The following SLC43A2 variants were observed in gnomAD, a reference collection of about 807,000 sequenced individuals.
SLC43A2 encodes the protein solute carrier family 43 member 2.
A neutral mutation model predicts 63.2 loss-of-function variants in SLC43A2; 38 were observed. The ratio of observed to expected loss-of-function variants is 0.60; its 90% CI spans 0.46 to 0.79. The LOEUF (loss-of-function observed/expected upper bound fraction) is 0.79, where lower values mean the gene tolerates loss of function less well. SLC43A2 is among the 30% of genes least tolerant of loss of function. SLC43A2 has a pLI of 0.00. For missense variants in SLC43A2, 644 were observed against 756.2 expected (o/e 0.85, Z 1.74); for synonymous variants, 322 against 331.0 (o/e 0.97, Z 0.30).
rs992527754 is a variant in SLC43A2 at position 1,584,052 on chromosome 17, T to C, written c.1218-716A>G. Among the ~76,000 whole-genome samples, 33 of 152,036 alleles carry C rather than the reference T, an allele frequency of 2.2e-4. 1 individual carries two copies. The highest frequency in any genetic ancestry group is 7.9e-4 in the Admixed American group (12 of 15,284). ...CTGGGACTACAGGCACGCGCCACCT[T>C]ACCCGGCTAATTTTTGCGTTTTTGT... On this transcript the variant is annotated intron_variant, in intron 10 of 13. Transcript: ENST00000301335.
At chr17:1,620,653 C>T (rs928905137) in intron 2 of SLC43A2, among the ~76,000 whole-genome samples, 2 of 151,938 alleles carry the variant, frequency 1.3e-5, no homozygotes, top group Non-Finnish European at 1.5e-5. Flanking sequence ...GGGAGGTGAG[C>T]GGCTTCTCCT....
rs539299509 is a variant in SLC43A2 at position 1,606,166 on chromosome 17, C to T, written c.501+7029G>A. Among the ~76,000 whole-genome samples the T allele has an allele frequency of 5.7e-4, 87 of 151,546 alleles. No individual in the cohort carries two copies. The highest frequency in any genetic ancestry group is 2.0e-3 in the African/African-American group (82 of 41,260). On this transcript the variant is annotated intron_variant, in intron 5 of 13. Transcript: ENST00000301335. This position sits in a 1 kb window ranked among gnomAD's most constrained non-coding sequence, Gnocchi z 4.7. ...GCTGGCCGGGGGCCACCGCGGGACCCTCTCCTGGACCCTCCAGAGCTGGCC... is the reference window on the plus strand; with the variant it reads ...GCTGGCCGGGGGCCACCGCGGGACCTTCTCCTGGACCCTCCAGAGCTGGCC...
chr17:1,583,258 G>C lies in SLC43A2; in HGVS notation c.1296C>G (p.Asn432Lys). 6.2e-7 allele frequency: 1 copy of C among 1,614,176 alleles called. No homozygotes were observed. The highest frequency in any genetic ancestry group is 1.3e-5 in the African/African-American group (1 of 75,060). Residue 432 changes from asparagine to lysine, a missense_variant, in exon 11 of 14, where the codon AAC becomes AAG. Coordinates refer to ENST00000301335, the MANE Select transcript of SLC43A2 (RefSeq NM_152346.3). The surrounding 1 kb of genome is among the most constrained non-coding windows in gnomAD (Gnocchi z 5.5). ...TCACCCCAAAGCCCACGAGCAGCAG[G>C]TTGGTGAAGGCGAAGGCCCGCATGG... ...TNAMRAFAFT[N>K]LLLVGFGVTC...
intron 5 of SLC43A2, among the ~76,000 whole-genome samples, chr17:1,607,545 G>C (rs138606599): frequency 0.013 from 1,927 of 152,202 alleles, 23 homozygotes; most frequent in Non-Finnish European, 0.021. Context: ...CTCCACCCTG[G>C]GGGGAGGCAG....
chr17:1,587,237 G>A (rs888734783), intron 9 of SLC43A2, among the ~76,000 whole-genome samples: 6 of 152,228 alleles, frequency 3.9e-5, no homozygotes, highest in Non-Finnish European at 8.8e-5. Context: ...CCGGGTCACA[G>A]GCGGACTGGT....
rs1280900007 is a variant in SLC43A2, at chr17:1,578,411, C to T, written c.1351-88G>A. On this transcript the variant is annotated intron_variant, in intron 11 of 13. Transcript: ENST00000301335. This position sits in a 1 kb window ranked among gnomAD's most constrained non-coding sequence, Gnocchi z 6.5. Reference sequence around the variant, plus strand: ...CCTCCAATTCCTGGGGGCCCTCACCCCAGGGGCAGTGTCAGCCTGGAGTTG... The same window carrying T: ...CCTCCAATTCCTGGGGGCCCTCACCTCAGGGGCAGTGTCAGCCTGGAGTTG... The T allele has an allele frequency of 7.7e-7, 1 of 1,303,286 alleles. No homozygotes were observed. Among genetic ancestry groups the T allele is most frequent in the African/African-American group, 1.5e-5 (1 of 68,230 alleles). 80.7% of individuals were successfully genotyped at this position (1,303,286 alleles called of 1,614,324 possible).
At chr17:1,581,821 T>C (rs2151032133) in intron 11 of SLC43A2, among the ~76,000 whole-genome samples, 1 of 152,048 alleles carries the variant, frequency 6.6e-6, no homozygotes, top group Non-Finnish European at 1.5e-5. Context: ...TTTTTTTTTT[T>C]TTGAGACACA....
In SLC43A2 at chr17:1,577,065, T is replaced by C. The variant is rs964973668; in HGVS notation, c.1425-345A>G. Reference sequence around the variant, plus strand: ...ATTTTTAGTAGAGACGGGGTTTCACTACGTTGGCCAGGCTGGTCTCAAACT... The same window carrying C: ...ATTTTTAGTAGAGACGGGGTTTCACCACGTTGGCCAGGCTGGTCTCAAACT... On this transcript the variant is annotated intron_variant, in intron 12 of 13. Transcript: ENST00000301335. The surrounding 1 kb of genome is among the most constrained non-coding windows in gnomAD (Gnocchi z 4.9). Among the ~76,000 whole-genome samples the C allele has an allele frequency of 6.6e-6, 1 of 152,022 alleles. No homozygotes were observed. The highest frequency in any genetic ancestry group is 2.4e-5 in the African/African-American group (1 of 41,382).
At chr17:1,600,135 A>AATAT (rs546467041) in intron 5 of SLC43A2, among the ~76,000 whole-genome samples, 1,101 of 47,890 alleles carry the variant, frequency 0.023, 50 homozygotes, top group African/African-American at 0.06. Context: ...ATATTAATTG[A>AATAT]ATATATATAT....
chr17:1,612,789 T>C (rs112467560), intron 5 of SLC43A2, among the ~76,000 whole-genome samples: 9 of 152,286 alleles, frequency 5.9e-5, no homozygotes, highest in Admixed American at 2.6e-4. Context: ...CTGACCAACA[T>C]GGCGAAACCC....
At chr17:1,590,597 C>T (rs1051009525) in intron 9 of SLC43A2, among the ~76,000 whole-genome samples, 1 of 152,236 alleles carries the variant, frequency 6.6e-6, no homozygotes, top group African/African-American at 2.4e-5. Context: ...TTCCCTCCCT[C>T]CTGGACCAGG....
Position 1,600,846 on chromosome 17 carries a change from T to C in SLC43A2, c.502-7567A>G, listed in dbSNP as rs377119601. 1.5e-3 allele frequency among the ~76,000 whole-genome samples: 225 copies of C among 151,676 alleles called. 2 individuals are homozygous for C. The highest frequency in any genetic ancestry group is 4.7e-3 in the African/African-American group (193 of 41,158). On this transcript the variant is annotated intron_variant, in intron 5 of 13. Coordinates refer to ENST00000301335, the MANE Select transcript of SLC43A2 (RefSeq NM_152346.3). ...GTGTTGGGATGACAGGCGTGAACCATTGCGCCCAGACTTTTTTTTTTTTTT... is the reference window on the plus strand; with the variant it reads ...GTGTTGGGATGACAGGCGTGAACCACTGCGCCCAGACTTTTTTTTTTTTTT...
chr17:1,569,980 C>T lies in SLC43A2; in HGVS notation c.*5624G>A, dbSNP rs376448182. Reference sequence around the variant, plus strand: ...TCGGCTCACTGCAAGCTTCACCTCCCGGGTTCATGCCATTCTCCTGCCTCA... The same window carrying T: ...TCGGCTCACTGCAAGCTTCACCTCCTGGGTTCATGCCATTCTCCTGCCTCA... On this transcript the variant is annotated 3_prime_UTR_variant, in exon 14 of 14. Coordinates refer to ENST00000301335, the MANE Select transcript of SLC43A2 (RefSeq NM_152346.3). 9.3e-5 allele frequency: 14 copies of T among 150,618 alleles called. No individual in the cohort carries two copies. Among genetic ancestry groups the T allele is most frequent in the South Asian group, 2.1e-4 (1 of 4,708 alleles). The allele number at this position is 150,618 out of a possible 1,614,324, so 9.3% of individuals were successfully genotyped here. A position where few individuals can be genotyped will look rare whatever the true frequency, so the allele number is the denominator to read the frequency against.
At chr17:1,582,367 A>G (rs957812542) in intron 11 of SLC43A2, among the ~76,000 whole-genome samples, 1 of 152,234 alleles carries the variant, frequency 6.6e-6, no homozygotes, top group African/African-American at 2.4e-5. Context: ...GGCATGAGCC[A>G]CCGGCCTGGA....
At position 1,595,153 on chromosome 17, in the gene SLC43A2, C is replaced by T. The variant is rs530552271; in HGVS notation, c.502-1874G>A. ...AAAATTAGCCGGATGTGGTGGCAGG[C>T]GCCTATAATCCCAGCTACTTGGGAG... On this transcript the variant is annotated intron_variant, in intron 5 of 13. Transcript: ENST00000301335. 4.3e-4 allele frequency among the ~76,000 whole-genome samples: 65 copies of T among 151,940 alleles called. 1 individual carries two copies. In the South Asian group the frequency reaches 0.013, roughly 31 times the overall value.
In SLC43A2 at chr17:1,606,968, C is replaced by T. The variant is rs2151066525; in HGVS notation, c.501+6227G>A. Among the ~76,000 whole-genome samples, 1 of 152,316 alleles carries T rather than the reference C, an allele frequency of 6.6e-6. No homozygotes were observed. Among genetic ancestry groups the T allele is most frequent in the Admixed American group, 6.5e-5 (1 of 15,310 alleles). ...TGGGCTCTGGAAGGATGGCTCATGG[C>T]CATCTCCTTCTGGACTACAAGGAAA... On this transcript the variant is annotated intron_variant, in intron 5 of 13. Coordinates refer to ENST00000301335, the MANE Select transcript of SLC43A2 (RefSeq NM_152346.3). This position sits in a 1 kb window ranked among gnomAD's most constrained non-coding sequence, Gnocchi z 4.7.
chr17:1,579,544 A>G (rs2075981742), intron 11 of SLC43A2, among the ~76,000 whole-genome samples: 2 of 151,554 alleles, frequency 1.3e-5, no homozygotes, highest in Non-Finnish European at 1.5e-5. Context: ...AACTCTGAAA[A>G]CTCATCACTT....
intron 5 of SLC43A2, among the ~76,000 whole-genome samples, chr17:1,610,885 G>C (rs1907032666): frequency 6.7e-6 from 1 of 149,476 alleles, no homozygotes; most frequent in Non-Finnish European, 1.5e-5. Flanking sequence ...TTGTCACCCA[G>C]GCTGGAGTTC....
Position 1,570,521 on chromosome 17 carries a change from C to T in SLC43A2, c.*5083G>A, listed in dbSNP as rs1238300222. 1.3e-4 allele frequency: 19 copies of T among 146,814 alleles called. No individual in the cohort carries two copies. The highest frequency in any genetic ancestry group is 4.8e-4 in the African/African-American group (19 of 39,516). 9.1% of individuals were successfully genotyped at this position (146,814 alleles called of 1,614,324 possible). ...TTTTTTTTTGAGACGGAGTCTCGCT[C>T]TGTCGCCCAGGCTGGAGTGCAGTGG... On this transcript the variant is annotated 3_prime_UTR_variant, in exon 14 of 14. Transcript: ENST00000301335.
Sources: allele counts gnomAD v4.1 joint callset (sites outside exome capture counted in the v4.1 genomes callset), GRCh38; gene constraint gnomAD v4.1.1; non-coding constraint Gnocchi (gnomAD v3.1); transcripts MANE v1.5; gene names NCBI Gene and HGNC (gene_info 2026-07-23, HGNC 2026-07-21).